Variants in NLGN1 observed in about 807,000 individuals in gnomAD.
NLGN1 encodes the protein neuroligin-1.
NLGN1 carries 12 observed loss-of-function variants against 65.5 expected under a neutral mutation model. That is an observed-to-expected ratio of 0.18 (90% CI 0.12 to 0.30). NLGN1 has a LOEUF of 0.30. Ranked by LOEUF, NLGN1 falls within the 10% of genes least tolerant of loss-of-function variation. The probability of loss-of-function intolerance (pLI) is 1.00; values close to 1 mark genes in which losing one functional copy is unlikely to be tolerated. For missense variants in NLGN1, 750 were observed against 1,007.1 expected, an observed-to-expected ratio of 0.74 and a Z score of 3.46; for synonymous variants, 350 against 359.5, an observed-to-expected ratio of 0.97 and a Z score of 0.30.
chr3:174,234,331 C>A (rs927209471), intron 4 of NLGN1, among the ~76,000 whole-genome samples: 2 of 152,174 alleles, frequency 1.3e-5, no homozygotes, highest in Non-Finnish European at 2.9e-5. Context: ...TGGAGTCTTA[C>A]ATCCCTTCTC....
intron 3 of NLGN1, among the ~76,000 whole-genome samples, chr3:173,705,971 TA>T (rs1232052349): frequency 3.3e-5 from 5 of 152,142 alleles, no homozygotes; most frequent in Non-Finnish European, 7.4e-5. Flanking sequence ...CCCTTAAATT[TA>T]GTGGGGTTTG....
intron 4 of NLGN1, among the ~76,000 whole-genome samples, chr3:173,881,455 C>T (rs1218286240): frequency 8.4e-5 from 10 of 118,592 alleles, no homozygotes; most frequent in South Asian, 2.9e-4. Flanking sequence ...GACAGAGTCT[C>T]GCTCTGTTGC....
chr3:173,408,826 G>A (rs1711858418), intron 1 of NLGN1, among the ~76,000 whole-genome samples: 1 of 151,680 alleles, frequency 6.6e-6, no homozygotes, highest in South Asian at 2.1e-4. Context: ...GCAGGAGAAT[G>A]GTGTGAACCC....
At chr3:173,443,858 A>G (rs1485003684) in intron 2 of NLGN1, among the ~76,000 whole-genome samples, 1 of 152,204 alleles carries the variant, frequency 6.6e-6, no homozygotes, top group Admixed American at 6.5e-5. Context: ...GAAATAGATA[A>G]TTTACACCTA....
At chr3:174,033,065 C>A (rs1392115161) in intron 4 of NLGN1, among the ~76,000 whole-genome samples, 1 of 151,866 alleles carries the variant, frequency 6.6e-6, no homozygotes, top group African/African-American at 2.4e-5. Flanking sequence ...AAGGTCACAA[C>A]CTCGAGACAG....
intron 1 of NLGN1, among the ~76,000 whole-genome samples, chr3:173,431,128 C>T (rs1209984870): frequency 6.6e-6 from 1 of 152,058 alleles, no homozygotes; most frequent in African/African-American, 2.4e-5. Context: ...AAAACTTTCC[C>T]TATTTCACTA....
chr3:173,625,856 C>G (rs1241065513), intron 3 of NLGN1, among the ~76,000 whole-genome samples: 6 of 151,998 alleles, frequency 3.9e-5, no homozygotes, highest in Non-Finnish European at 5.9e-5. Flanking sequence ...GTTTGAAGAG[C>G]TCAGTATAAA....
In NLGN1 at chr3:174,109,234, T is replaced by C. The variant is rs186300059; in HGVS notation, c.647-166081T>C. On this transcript the variant is annotated intron_variant, in intron 4 of 6. Transcript: ENST00000457714. Reference sequence around the variant, plus strand: ...TTTTAAAGTAATATTATTATACTTTTGTAGTGATTTCTCCTTTTGAGATAA... The same window carrying C: ...TTTTAAAGTAATATTATTATACTTTCGTAGTGATTTCTCCTTTTGAGATAA... Among the ~76,000 whole-genome samples, 467 of 152,186 alleles carry C rather than the reference T, an allele frequency of 3.1e-3. 3 individuals carry two copies. The highest frequency in any genetic ancestry group is 0.011 in the African/African-American group (446 of 41,576).
intron 2 of NLGN1, among the ~76,000 whole-genome samples, chr3:173,474,639 A>G (rs188857132): frequency 6.6e-6 from 1 of 152,154 alleles, no homozygotes; most frequent in African/African-American, 2.4e-5. Flanking sequence ...TAAAATATGC[A>G]TGTTATTATT....
intron 2 of NLGN1, among the ~76,000 whole-genome samples, chr3:173,499,897 A>C (rs564368013): frequency 4.5e-4 from 69 of 151,746 alleles, no homozygotes; most frequent in Admixed American, 6.5e-4. Context: ...ATTTTTGGGC[A>C]TTGATTTTGT....
At chr3:174,289,971 A>ATATATATATG (rs1561498317), downstream of NLGN1, among the ~76,000 whole-genome samples, 16 of 112,920 alleles carry the variant, frequency 1.4e-4, no homozygotes, top group East Asian at 1.2e-3. Context: ...ATATATATGT[A>ATATATATATG]TATATATATA....
chr3:174,017,692 CA>C, intron 4 of NLGN1, among the ~76,000 whole-genome samples: 1 of 152,126 alleles, frequency 6.6e-6, no homozygotes, highest in East Asian at 1.9e-4. Context: ...CGTCAAGCCG[CA>C]AAACCAGCAA....
At chr3:174,102,262 T>TG (rs935675952) in intron 4 of NLGN1, among the ~76,000 whole-genome samples, 6 of 152,024 alleles carry the variant, frequency 3.9e-5, no homozygotes, top group Admixed American at 2.6e-4. Flanking sequence ...CATTCACACA[T>TG]GGGGGGGTAT....
chr3:174,010,691 T>C (rs1725361033), intron 4 of NLGN1, among the ~76,000 whole-genome samples: 1 of 152,150 alleles, frequency 6.6e-6, no homozygotes, highest in African/African-American at 2.4e-5. Flanking sequence ...AAAACTTGAA[T>C]TGGTGAATTA....
At chr3:173,493,668 GC>G (rs1729540024) in intron 2 of NLGN1, among the ~76,000 whole-genome samples, 1 of 151,694 alleles carries the variant, frequency 6.6e-6, no homozygotes, top group African/African-American at 2.4e-5. Context: ...GAAAATTGAG[GC>G]ACAGAAGGCC....
rs552175377 is a variant in NLGN1, at chr3:173,534,438, C to G, written c.-320-69841C>G. Among the ~76,000 whole-genome samples, 3 of 152,298 alleles carry G rather than the reference C, an allele frequency of 2.0e-5. No individual in the cohort carries two copies. In the South Asian group the frequency reaches 6.2e-4, roughly 32 times the overall value. ...GGGCTTTTCTTCAAACTGGCCCCAG[C>G]TGGGTCTCTGTCTTCAATCATTTCT... is the stretch of plus-strand genomic sequence containing the variant. On this transcript the variant is annotated intron_variant, in intron 2 of 6. Transcript: ENST00000457714.
chr3:174,262,416 G>C (rs1276321623), intron 4 of NLGN1, among the ~76,000 whole-genome samples: 26 of 131,580 alleles, frequency 2.0e-4, no homozygotes, highest in Non-Finnish European at 3.6e-4. Flanking sequence ...AGTCTTGGGA[G>C]AGTGTATGTG....
chr3:173,409,787 A>G (rs1712126962), intron 1 of NLGN1, among the ~76,000 whole-genome samples: 1 of 152,226 alleles, frequency 6.6e-6, no homozygotes, highest in African/African-American at 2.4e-5. Flanking sequence ...ATACTTGGCT[A>G]AAAAGAATGA....
At chr3:173,600,947 T>A (rs1750434275) in intron 2 of NLGN1, among the ~76,000 whole-genome samples, 1 of 151,992 alleles carries the variant, frequency 6.6e-6, no homozygotes, top group South Asian at 2.1e-4. Context: ...AACAAACTAG[T>A]TGAGGGACCA....
Sources: gnomAD v4.1 joint callset for allele counts (sites outside exome capture counted in the v4.1 genomes callset) on GRCh38, gnomAD v4.1.1 for gene constraint, MANE v1.5 for transcripts, NCBI Gene and HGNC (gene_info 2026-07-23, HGNC 2026-07-21) for gene names.